Variants in ARHGEF12 observed in about 807,000 individuals in gnomAD.
ARHGEF12 encodes the protein Rho guanine nucleotide exchange factor 12, also known as KMT2A/ARHGEF12 fusion protein.
Under a neutral mutation model 211.2 loss-of-function variants are expected in ARHGEF12, and 66 were observed. That is an observed-to-expected ratio of 0.31 (90% CI 0.26 to 0.38). The LOEUF (loss-of-function observed/expected upper bound fraction) is 0.38. ARHGEF12 is among the 10% of genes least tolerant of loss of function. The pLI is 1.00. For missense variants in ARHGEF12, 1,429 were observed against 1,869.5 expected, an observed-to-expected ratio of 0.76 and a Z score of 4.34; for synonymous variants, 592 against 638.4, an observed-to-expected ratio of 0.93 and a Z score of 1.09.
chr11:120,415,719 C>T (rs1414081757), intron 4 of ARHGEF12, among the ~76,000 whole-genome samples: 3 of 152,254 alleles, frequency 2.0e-5, no homozygotes, highest in Non-Finnish European at 2.9e-5. Flanking sequence ...GGTAGGATGG[C>T]TTCGTTTTCA....
chr11:120,453,901 T>C (rs1946284646), intron 22 of ARHGEF12, among the ~76,000 whole-genome samples: 1 of 152,196 alleles, frequency 6.6e-6, no homozygotes, highest in Non-Finnish European at 1.5e-5. Context: ...GATGAACTAA[T>C]TGCAGGTCTA....
intron 26 of ARHGEF12, 114 bp downstream of exon 26, chr11:120,459,434 A>C: frequency 7.9e-6 from 9 of 1,135,898 alleles, no homozygotes; most frequent in Non-Finnish European, 1.1e-5. Flanking sequence ...ATGTGTGAGA[A>C]TGTAAGATAA....
chr11:120,373,777 T>C (rs1268766264), intron 1 of ARHGEF12, among the ~76,000 whole-genome samples: 4 of 152,182 alleles, frequency 2.6e-5, no homozygotes. Flanking sequence ...GAAACTACTT[T>C]GAGAAAATAA....
At chr11:120,464,928 C>T (rs572377321) in intron 27 of ARHGEF12, 1 of 224,360 alleles carries the variant, frequency 4.5e-6, no homozygotes. Flanking sequence ...ATCTCATGAA[C>T]CTCAGAGGCA....
At chr11:120,447,584 C>G (rs1042015371) in intron 18 of ARHGEF12, among the ~76,000 whole-genome samples, 1 of 151,458 alleles carries the variant, frequency 6.6e-6, no homozygotes, top group Non-Finnish European at 1.5e-5. Context: ...TTTGGGAGGC[C>G]GAGCGGGCGG....
chr11:120,424,285 T>C (rs772008766), intron 6 of ARHGEF12, 73 bp from the exon 7 acceptor site: 1 of 1,027,318 alleles, frequency 9.7e-7, no homozygotes, highest in African/African-American at 1.6e-5. Flanking sequence ...TTATGTATGA[T>C]AATTCTTGAA....
intron 1 of ARHGEF12, among the ~76,000 whole-genome samples, chr11:120,339,826 TTG>T (rs1343440576): frequency 1.3e-5 from 2 of 152,220 alleles, no homozygotes; most frequent in African/African-American, 4.8e-5. Flanking sequence ...ATTGGTCACT[TTG>T]GATACTCAGA....
At chr11:120,387,389 A>G (rs1459696926) in intron 1 of ARHGEF12, among the ~76,000 whole-genome samples, 1 of 152,044 alleles carries the variant, frequency 6.6e-6, no homozygotes, top group Non-Finnish European at 1.5e-5. Flanking sequence ...GAGCCTGGCT[A>G]CATAGTATGC....
At chr11:120,466,379 G>A (rs931196412) in intron 28 of ARHGEF12, among the ~76,000 whole-genome samples, 1 of 152,232 alleles carries the variant, frequency 6.6e-6, no homozygotes, top group African/African-American at 2.4e-5. Flanking sequence ...TTTAGAGGTG[G>A]ATGTTTGCTT....
chr11:120,349,248 T>C (rs1319306597), intron 1 of ARHGEF12, among the ~76,000 whole-genome samples: 1 of 152,196 alleles, frequency 6.6e-6, no homozygotes. Flanking sequence ...CTTCTCACCA[T>C]ACAATTATAG....
At chr11:120,396,094 C>G (rs920468095) in intron 1 of ARHGEF12, among the ~76,000 whole-genome samples, 5 of 151,964 alleles carry the variant, frequency 3.3e-5, no homozygotes, top group African/African-American at 4.8e-5. Context: ...TATAGTGCCA[C>G]AAACAAGAAA....
At chr11:120,417,948 A>T (rs933509592) in intron 4 of ARHGEF12, among the ~76,000 whole-genome samples, 1 of 152,248 alleles carries the variant, frequency 6.6e-6, no homozygotes, top group Non-Finnish European at 1.5e-5. Context: ...CTAATGTGTT[A>T]TCACCTGACC....
chr11:120,475,628 A>G, intron 33 of ARHGEF12, 121 bp downstream of exon 33: 1 of 1,000,922 alleles, frequency 1.0e-6, no homozygotes, highest in East Asian at 2.6e-5. Context: ...TTCTTAAGCA[A>G]ATTACATGAA....
Position 120,377,817 on chromosome 11 carries a change from C to T in ARHGEF12, c.33-28301C>T, listed in dbSNP as rs929963291. Among the ~76,000 whole-genome samples, 3 of 152,254 alleles carry T rather than the reference C, an allele frequency of 2.0e-5. No homozygotes were observed. In the East Asian group the frequency reaches 5.8e-4, roughly 29 times the overall value. On this transcript the variant is annotated intron_variant, in intron 1 of 40. Coordinates refer to ENST00000397843, the MANE Select transcript of ARHGEF12 (RefSeq NM_015313.3). ...CAGTTTTTGGCTATTTTGAATAAAT[C>T]TGAACATTTTCCTGTAAGTTTTTGT... is the stretch of plus-strand genomic sequence containing the variant.
chr11:120,354,270 A>G (rs1245347828), intron 1 of ARHGEF12, among the ~76,000 whole-genome samples: 1 of 152,118 alleles, frequency 6.6e-6, no homozygotes, highest in Non-Finnish European at 1.5e-5. Flanking sequence ...GTCCTACCCC[A>G]GAGTGGTTGG....
At chr11:120,467,607 T>TTTA (rs35381485) in intron 29 of ARHGEF12, among the ~76,000 whole-genome samples, 1 of 41,998 alleles carries the variant, frequency 2.4e-5, no homozygotes, top group African/African-American at 1.7e-4. Flanking sequence ...CACACTTGGC[T>TTTA]TTTTTTTTTT....
intron 32 of ARHGEF12, 31 bp from the exon 33 acceptor site, chr11:120,475,309 T>C (rs1044955746): frequency 1.2e-6 from 2 of 1,600,290 alleles, no homozygotes; most frequent in Non-Finnish European, 1.7e-6. Context: ...ATTTCTGTAC[T>C]TACCATTTTT....
In ARHGEF12 at chr11:120,396,704, T is replaced by C. The variant is rs934397985; in HGVS notation, c.33-9414T>C. On this transcript the variant is annotated intron_variant, in intron 1 of 40. Coordinates refer to ENST00000397843, the MANE Select transcript of ARHGEF12 (RefSeq NM_015313.3). ...GTAGACCTAAAAGTAAAATAGAAAG[T>C]CACTCAGCTCTTAGAAGAAAATGTA... Among the ~76,000 whole-genome samples the C allele has an allele frequency of 2.6e-5, 4 of 152,168 alleles. No individual in the cohort carries two copies. The East Asian group carries it at 7.7e-4, about 29-fold the overall frequency.
At chr11:120,444,437 T>A (rs1945983467) in intron 15 of ARHGEF12, among the ~76,000 whole-genome samples, 1 of 152,208 alleles carries the variant, frequency 6.6e-6, no homozygotes, top group Admixed American at 6.5e-5. Flanking sequence ...CATACAGAAA[T>A]GAGCTTTTAT....
Sources: allele counts gnomAD v4.1 joint callset (sites outside exome capture counted in the v4.1 genomes callset), GRCh38; gene constraint gnomAD v4.1.1; transcripts MANE v1.5; gene names NCBI Gene and HGNC (gene_info 2026-07-23, HGNC 2026-07-21).